Variants in SCN2A observed in about 807,000 individuals in gnomAD.
SCN2A encodes sodium voltage-gated channel alpha subunit 2.
In SCN2A, 20 loss-of-function variants were observed where a neutral mutation model predicts 188.7. That is an observed-to-expected ratio of 0.11 (90% CI 0.07 to 0.15). The LOEUF is 0.15. SCN2A is among the 10% of genes least tolerant of loss of function. SCN2A has a pLI of 1.00. For missense variants in SCN2A, 1,278 were observed against 2,445.0 expected (o/e 0.52, Z 10.07); for synonymous variants, 804 against 833.1 (o/e 0.97, Z 0.60).
intron 1 of SCN2A, among the ~76,000 whole-genome samples, chr2:165,244,806 TTTG>T (rs1177512034): frequency 6.6e-6 from 1 of 152,176 alleles, no homozygotes; most frequent in Non-Finnish European, 1.5e-5. Flanking sequence ...TATAATATGC[TTTG>T]AACATGAACA....
chr2:165,281,028 C>A (rs796184497), intron 1 of SCN2A, among the ~76,000 whole-genome samples: 23 of 152,260 alleles, frequency 1.5e-4, no homozygotes, highest in African/African-American at 5.5e-4. Context: ...TCAAGACCAG[C>A]CTGGCCAACA....
intron 1 of SCN2A, among the ~76,000 whole-genome samples, chr2:165,250,317 C>G (rs901131017): frequency 6.6e-6 from 1 of 151,956 alleles, no homozygotes; most frequent in Admixed American, 6.6e-5. Context: ...ATTAAAATAG[C>G]TCTCAATAGT....
rs375524288 is a variant in SCN2A at position 165,388,614 on chromosome 2, G to A, written c.4823-15G>A. ...AAGTATAACAATATTTTTGTTATTT[G>A]TTGATTTTCTACAGGAATGTTTCTG... is the stretch of plus-strand genomic sequence containing the variant. On this transcript the variant is annotated splice_polypyrimidine_tract_variant and intron_variant, in intron 26 of 26. Transcript: ENST00000375437. 1.6e-5 allele frequency: 26 copies of A among 1,613,442 alleles called. No homozygotes were observed. The African/African-American group carries it at 3.1e-4, about 19-fold the overall frequency.
chr2:165,338,455 T>A (rs947665287), intron 14 of SCN2A, among the ~76,000 whole-genome samples: 12 of 151,750 alleles, frequency 7.9e-5, no homozygotes, highest in African/African-American at 2.9e-4. Context: ...AGAGACGGGG[T>A]TTCATCGTGT....
intron 17 of SCN2A, among the ~76,000 whole-genome samples, chr2:165,356,565 T>C (rs1014850898): frequency 6.6e-6 from 1 of 152,212 alleles, no homozygotes; most frequent in Non-Finnish European, 1.5e-5. Context: ...AAAAAGTCAA[T>C]TTTTATTTTC....
chr2:165,325,077 T>C (rs1351372421), intron 12 of SCN2A, among the ~76,000 whole-genome samples: 1 of 152,182 alleles, frequency 6.6e-6, no homozygotes, highest in Non-Finnish European at 1.5e-5. Context: ...ATAATTCTTA[T>C]ACATAATAAA....
intron 1 of SCN2A, among the ~76,000 whole-genome samples, chr2:165,257,156 T>C (rs985422161): frequency 2.9e-4 from 44 of 152,176 alleles, no homozygotes; most frequent in African/African-American, 1.0e-3. Context: ...CTGACATAAC[T>C]GTCCACACCT....
intron 1 of SCN2A, among the ~76,000 whole-genome samples, chr2:165,255,110 T>A (rs1694259199): frequency 6.6e-6 from 1 of 151,996 alleles, no homozygotes; most frequent in Non-Finnish European, 1.5e-5. Context: ...ATTCAAAATT[T>A]ATTATTTTAA....
chr2:165,257,684 G>C (rs1382684135), intron 1 of SCN2A, among the ~76,000 whole-genome samples: 1 of 151,974 alleles, frequency 6.6e-6, no homozygotes, highest in Non-Finnish European at 1.5e-5. Context: ...GATTACAGGC[G>C]CCCCTCACCA....
At chr2:165,325,975 G>T (rs1698336466) in intron 12 of SCN2A, among the ~76,000 whole-genome samples, 1 of 151,978 alleles carries the variant, frequency 6.6e-6, no homozygotes, top group African/African-American at 2.4e-5. Flanking sequence ...TGATCATATT[G>T]TTCTTTTAGA....
At chr2:165,290,150 C>G (rs1217627417) in intron 1 of SCN2A, among the ~76,000 whole-genome samples, 1 of 152,050 alleles carries the variant, frequency 6.6e-6, no homozygotes, top group Non-Finnish European at 1.5e-5. Context: ...ATACATATAA[C>G]ATATACTGAT....
intron 1 of SCN2A, chr2:165,271,653 C>T (rs370811080): frequency 6.6e-6 from 1 of 152,118 alleles, no homozygotes; most frequent in African/African-American, 2.4e-5. Flanking sequence ...ATGTATTCCC[C>T]TGTCTGGCAA....
chr2:165,382,398 T>A (rs1384168616), intron 25 of SCN2A, among the ~76,000 whole-genome samples: 1 of 152,042 alleles, frequency 6.6e-6, no homozygotes, highest in Non-Finnish European at 1.5e-5. Context: ...CCCTCGGCCA[T>A]AGACAAGAAG....
chr2:165,331,404 T>G lies in SCN2A; in HGVS notation c.2224T>G (p.Cys742Gly), dbSNP rs1320472250. Residue 742 changes from cysteine to glycine, a missense_variant, in exon 14 of 27, where the codon TGT (cysteine) becomes GGT (glycine). By Grantham distance (159) the Cys-to-Gly change is radical. Transcript: ENST00000375437. ...TAATATGTGTTTGATTTGGGACTGTTGTAAACCATGGTTAAAGGTGAAACA... is the reference window on the plus strand; with the variant it reads ...TAATATGTGTTTGATTTGGGACTGTGGTAAACCATGGTTAAAGGTGAAACA... ...FANMCLIWDC[C>G]KPWLKVKHLV... The G allele has an allele frequency of 6.2e-7, 1 of 1,613,846 alleles. No homozygotes were observed.
At chr2:165,365,711 T>G (rs1295015676) in intron 18 of SCN2A, among the ~76,000 whole-genome samples, 2 of 152,178 alleles carry the variant, frequency 1.3e-5, no homozygotes, top group Non-Finnish European at 2.9e-5. Flanking sequence ...AATTGATAAG[T>G]GTACATTTAA....
At chr2:165,253,531 T>C (rs974280408) in intron 1 of SCN2A, among the ~76,000 whole-genome samples, 4 of 152,258 alleles carry the variant, frequency 2.6e-5, no homozygotes, top group South Asian at 2.1e-4. Context: ...ATAAGTTTTA[T>C]TGGGACACAG....
At chr2:165,263,781 G>A (rs1270687063) in intron 1 of SCN2A, among the ~76,000 whole-genome samples, 2 of 151,656 alleles carry the variant, frequency 1.3e-5, no homozygotes, top group Non-Finnish European at 2.9e-5. Flanking sequence ...GGAATTTGTT[G>A]TGTTTCCATT....
chr2:165,302,667 C>T (rs370882216), intron 3 of SCN2A, among the ~76,000 whole-genome samples: 21 of 152,058 alleles, frequency 1.4e-4, no homozygotes, highest in African/African-American at 4.1e-4. Flanking sequence ...AACTGAGCCT[C>T]AAAGAATTAA....
intron 14 of SCN2A, among the ~76,000 whole-genome samples, chr2:165,338,261 CTTT>C (rs71028478): frequency 7.2e-6 from 1 of 139,260 alleles, no homozygotes; most frequent in African/African-American, 2.7e-5. Flanking sequence ...AAGATTTGAA[CTTT>C]TTTTTTTTTT....
Sources: gnomAD v4.1 joint callset for allele counts (sites outside exome capture counted in the v4.1 genomes callset) on GRCh38, gnomAD v4.1.1 for gene constraint, MANE v1.5 for transcripts, NCBI Gene and HGNC (gene_info 2026-07-23, HGNC 2026-07-21) for gene names.